Variants in PPL observed in about 807,000 individuals in gnomAD.
PPL encodes periplakin.
Under a neutral mutation model 194.4 loss-of-function variants are expected in PPL, and 198 were observed. The ratio of observed to expected loss-of-function variants is 1.02; its 90% CI spans 0.91 to 1.15. The LOEUF is 1.15. Ranked by LOEUF, PPL falls within the 50% of genes most tolerant of loss-of-function variation. The pLI, the probability that PPL is intolerant of heterozygous loss-of-function variation, is 0.00. For missense variants in PPL, 2,885 were observed against 2,294.8 expected (o/e 1.26, Z -5.25); for synonymous variants, 1,220 against 972.4 (o/e 1.25, Z -4.74).
At position 4,890,925 on chromosome 16, in the gene PPL, G is replaced by C; in HGVS notation, c.1969-4C>G. ...CCTGTAACTCACAGGCCATGGCCTG[G>C]CGGGGCAGAGGAGGAGACGGCGGTG... is the stretch of plus-strand genomic sequence containing the variant. On this transcript the variant is annotated splice_polypyrimidine_tract_variant and splice_region_variant and intron_variant, in intron 16 of 21. Transcript: ENST00000345988. The C allele has an allele frequency of 3.3e-6, 5 of 1,514,564 alleles. No individual in the cohort carries two copies. Among genetic ancestry groups the C allele is most frequent in the Non-Finnish European group, 4.4e-6 (5 of 1,124,538 alleles). 93.8% of individuals were successfully genotyped at this position (1,514,564 alleles called of 1,614,324 possible).
chr16:4,909,391 C>A lies in PPL; in HGVS notation c.162+1459G>T, dbSNP rs867460356. ...AGACCTTGACCTCCCTCCTGACCTC[C>A]CCACCCTCAGCCTCCCACTCCTCTG... is the stretch of plus-strand genomic sequence containing the variant. On this transcript the variant is annotated intron_variant, in intron 2 of 21. Transcript: ENST00000345988. Among the ~76,000 whole-genome samples, 59 of 151,554 alleles carry A rather than the reference C, an allele frequency of 3.9e-4. No homozygotes were observed. In the Middle Eastern group the frequency reaches 0.014, roughly 35 times the overall value.
intron 2 of PPL, among the ~76,000 whole-genome samples, chr16:4,907,565 G>A (rs1420031988): frequency 6.6e-6 from 1 of 152,084 alleles, no homozygotes. Context: ...GGGGAGGTGG[G>A]GAGTAACTGT....
At chr16:4,896,434 C>T (rs557934702) in intron 9 of PPL, among the ~76,000 whole-genome samples, 3 of 152,150 alleles carry the variant, frequency 2.0e-5, no homozygotes, top group African/African-American at 4.8e-5. Context: ...TGCTACAACA[C>T]GGATGAACCC....
At chr16:4,911,693 C>T (rs766475672) in intron 1 of PPL, among the ~76,000 whole-genome samples, 8 of 151,964 alleles carry the variant, frequency 5.3e-5, no homozygotes, top group Non-Finnish European at 1.0e-4. Flanking sequence ...TGCCACCACT[C>T]CTGCATAACT....
Position 4,902,673 on chromosome 16 carries a change from T to A in PPL, c.318-147A>T. 2.5e-6 allele frequency: 2 copies of A among 802,532 alleles called. No individual in the cohort carries two copies. The highest frequency in any genetic ancestry group is 1.9e-6 in the Non-Finnish European group (1 of 540,090). 49.7% of individuals were successfully genotyped at this position (802,532 alleles called of 1,614,324 possible). On this transcript the variant is annotated intron_variant, in intron 3 of 21. Coordinates refer to ENST00000345988, the MANE Select transcript of PPL (RefSeq NM_002705.5). This position sits in a 1 kb window ranked among gnomAD's most constrained non-coding sequence, Gnocchi z 4.0. ...GGTTCCAGACAATCACAGCATCCTC[T>A]CACCCCTCCTCCCATGCACTTTTTT...
At position 4,902,345 on chromosome 16, in the gene PPL, C is replaced by T. The variant is rs1368849406; in HGVS notation, c.438+61G>A. The T allele has an allele frequency of 1.9e-6, 3 of 1,600,136 alleles. No homozygotes were observed. The highest frequency in any genetic ancestry group is 2.2e-5 in the East Asian group (1 of 44,610). On this transcript the variant is annotated intron_variant, in intron 4 of 21. Coordinates refer to ENST00000345988, the MANE Select transcript of PPL (RefSeq NM_002705.5). The surrounding 1 kb of genome is among the most constrained non-coding windows in gnomAD (Gnocchi z 4.0). ...CCATTACATGGGTAGGCTCTCCCTG[C>T]ACACGCACAGCCCCCTCCCCAGCTG...
At chr16:4,895,881 C>A (rs2088418321) in intron 9 of PPL, among the ~76,000 whole-genome samples, 165 bp from the exon 10 acceptor site, 1 of 152,180 alleles carries the variant, frequency 6.6e-6, no homozygotes, top group African/African-American at 2.4e-5. Context: ...GTGGAGACAG[C>A]CCCACCCTCC....
intron 2 of PPL, among the ~76,000 whole-genome samples, chr16:4,909,732 G>C (rs754760246): frequency 6.6e-6 from 1 of 152,062 alleles, no homozygotes; most frequent in Non-Finnish European, 1.5e-5. Flanking sequence ...CACCTGGCCT[G>C]GTCCCACTTC....
rs1596541886 is a variant in PPL, at chr16:4,884,988, C to T, written c.3667G>A (p.Gly1223Ser). 6.2e-6 allele frequency: 10 copies of T among 1,613,956 alleles called. No individual in the cohort carries two copies. The highest frequency in any genetic ancestry group is 5.0e-5 in the Admixed American group (3 of 60,002). ...QSELEALRRR[G>S]PQVEVKEVTK... Reference sequence around the variant, plus strand: ...ACCTCTTTGACTTCCACCTGGGGGCCTCGCCTCCTGAGGGCCTCCAGCTCA... The same window carrying T: ...ACCTCTTTGACTTCCACCTGGGGGCTTCGCCTCCTGAGGGCCTCCAGCTCA... The change falls in exon 22 of 22, where the codon GGC (glycine) becomes AGC (serine). Residue 1223 changes from glycine to serine, a missense_variant. By Grantham distance (56) the Gly-to-Ser change is moderately conservative. Transcript: ENST00000345988. This position sits in a 1 kb window ranked among gnomAD's most constrained non-coding sequence, Gnocchi z 5.7.
At chr16:4,918,312 G>A (rs1198369995) in intron 1 of PPL, among the ~76,000 whole-genome samples, 2 of 145,602 alleles carry the variant, frequency 1.4e-5, no homozygotes, top group Non-Finnish European at 1.5e-5. Context: ...AAAAAGGCAA[G>A]TGCCATTTAG....
intron 2 of PPL, among the ~76,000 whole-genome samples, chr16:4,909,785 C>A (rs998565850): frequency 6.6e-6 from 1 of 152,170 alleles, no homozygotes; most frequent in Non-Finnish European, 1.5e-5. Flanking sequence ...ATACAGATCA[C>A]CACTTACACT....
At chr16:4,888,712 A>ATTTTTT in intron 19 of PPL, 1 of 405,892 alleles carries the variant, frequency 2.5e-6, no homozygotes, top group Non-Finnish European at 4.4e-6. Context: ...TTTATCCTGC[A>ATTTTTT]TTTTTTTTTT....
chr16:4,903,108 C>T (rs1473061295), intron 3 of PPL, among the ~76,000 whole-genome samples: 1 of 152,188 alleles, frequency 6.6e-6, no homozygotes, highest in African/African-American at 2.4e-5. Context: ...GTCTGCCATC[C>T]AGCAGGGCCC....
chr16:4,931,819 T>C (rs1272321100), intron 1 of PPL, among the ~76,000 whole-genome samples: 1 of 152,212 alleles, frequency 6.6e-6, no homozygotes, highest in African/African-American at 2.4e-5. Context: ...TTTCCCAACA[T>C]GATCCGCCCG....
rs754597396 is a variant in PPL, at chr16:4,883,905, AT to A, written c.4749del (p.Gln1583HisfsTer17). 6.2e-7 allele frequency: 1 copy of A among 1,613,794 alleles called. No homozygotes were observed. Among genetic ancestry groups the A allele is most frequent in the Admixed American group, 1.7e-5 (1 of 59,992 alleles). ...QNLQLETRRL[Q>X]SEINMAATET... Reference sequence around the variant, plus strand: ...TCCGTCGCTGCCATGTTGATTTCCGATTGGAGCCTTCGGGTCTCCAGCTGCA... The same window carrying A: ...TCCGTCGCTGCCATGTTGATTTCCGATGGAGCCTTCGGGTCTCCAGCTGCA... On this transcript the variant is annotated frameshift_variant, in exon 22 of 22. Transcript: ENST00000345988. LOFTEE classifies it high-confidence loss of function. The surrounding 1 kb of genome is among the most constrained non-coding windows in gnomAD (Gnocchi z 4.8).
At chr16:4,894,269 A>G (rs2734734) in intron 12 of PPL, among the ~76,000 whole-genome samples, 198 bp downstream of exon 12, 151,818 of 152,306 alleles carry the variant, frequency 1, 75,668 homozygotes, top group Middle Eastern at 1. Flanking sequence ...GCCCAGAGCT[A>G]GACATTCATG....
intron 10 of PPL, 69 bp downstream of exon 10, chr16:4,895,525 T>A: frequency 6.2e-7 from 1 of 1,610,548 alleles, no homozygotes; most frequent in South Asian, 1.1e-5. Flanking sequence ...TGTACAGGGC[T>A]GAGGGCAGGC....
intron 9 of PPL, 103 bp from the exon 10 acceptor site, chr16:4,895,819 G>A (rs2142352082): frequency 6.6e-7 from 1 of 1,512,768 alleles, no homozygotes; most frequent in Non-Finnish European, 9.1e-7. Flanking sequence ...TGGGCCTCCG[G>A]TTCACCTGGA....
In PPL at chr16:4,892,555, G is replaced by A. The variant is rs2088340718; in HGVS notation, c.1651-342C>T. On this transcript the variant is annotated intron_variant, in intron 14 of 21. Coordinates refer to ENST00000345988, the MANE Select transcript of PPL (RefSeq NM_002705.5). ...ACTACGACTCCACCCAGTCACGGGT[G>A]GGGGTGTGACGACTCCCAGCAGCTT... Among the ~76,000 whole-genome samples the A allele has an allele frequency of 2.0e-5, 3 of 152,178 alleles. 1 individual carries two copies. Among genetic ancestry groups the A allele is most frequent in the Non-Finnish European group, 4.4e-5 (3 of 68,028 alleles).
Sources: allele counts gnomAD v4.1 joint callset (sites outside exome capture counted in the v4.1 genomes callset), GRCh38; gene constraint gnomAD v4.1.1; non-coding constraint Gnocchi (gnomAD v3.1); transcripts MANE v1.5; gene names NCBI Gene and HGNC (gene_info 2026-07-23, HGNC 2026-07-21).